Variants in ZBTB7C observed in about 807,000 individuals in gnomAD.
The protein encoded by ZBTB7C is zinc finger and BTB domain containing 7C.
Under a neutral mutation model 25.7 loss-of-function variants are expected in ZBTB7C, and 8 were observed. The ratio of observed to expected loss-of-function variants is 0.31; its 90% confidence interval spans 0.18 to 0.56. The LOEUF is 0.56. Ranked by LOEUF, ZBTB7C falls within the 20% of genes least tolerant of loss-of-function variation. ZBTB7C has a pLI of 0.91. For synonymous variants in ZBTB7C, 394 were observed against 369.0 expected, an observed-to-expected ratio of 1.07 and a Z score of -0.78; for missense variants, 824 against 855.2, an observed-to-expected ratio of 0.96 and a Z score of 0.46.
chr18:48,186,347 C>T (rs1045606953), intron 2 of ZBTB7C, among the ~76,000 whole-genome samples: 1 of 152,240 alleles, frequency 6.6e-6, no homozygotes, highest in African/African-American at 2.4e-5. Flanking sequence ...CAACCCTGCG[C>T]GTGCAGCTCG....
intron 2 of ZBTB7C, among the ~76,000 whole-genome samples, chr18:48,289,411 A>T (rs58614971): frequency 0.12 from 18,762 of 152,124 alleles, 1,215 homozygotes; most frequent in South Asian, 0.2. Context: ...TAGCAATGAA[A>T]AATAATGAGA....
intron 3 of ZBTB7C, among the ~76,000 whole-genome samples, chr18:48,145,148 G>A (rs555984507): frequency 2.6e-5 from 4 of 152,246 alleles, no homozygotes; most frequent in East Asian, 3.9e-4. Flanking sequence ...ACTGGAAACC[G>A]TCTTCTGGAA....
At chr18:48,054,409 G>C (rs568703931) in intron 3 of ZBTB7C, among the ~76,000 whole-genome samples, 2 of 152,138 alleles carry the variant, frequency 1.3e-5, no homozygotes, top group Non-Finnish European at 2.9e-5. Flanking sequence ...GAGCTGCCGT[G>C]GGGGGTGGCA....
intron 3 of ZBTB7C, among the ~76,000 whole-genome samples, chr18:48,176,227 A>G (rs2041672625): frequency 6.6e-6 from 1 of 152,248 alleles, no homozygotes; most frequent in Non-Finnish European, 1.5e-5. Context: ...CCTGGATTCT[A>G]ATCAAGAGGA....
At chr18:48,060,983 C>A (rs1019113978) in intron 3 of ZBTB7C, among the ~76,000 whole-genome samples, 2 of 152,000 alleles carry the variant, frequency 1.3e-5, no homozygotes, top group Non-Finnish European at 2.9e-5. Flanking sequence ...AAAGTGGTGA[C>A]CAAGCCGCCA....
At chr18:48,263,497 G>T (rs1301016176) in intron 2 of ZBTB7C, among the ~76,000 whole-genome samples, 1 of 152,128 alleles carries the variant, frequency 6.6e-6, no homozygotes, top group Non-Finnish European at 1.5e-5. Flanking sequence ...AAGGAATAGA[G>T]GACCTTAAAA....
At chr18:48,286,477 G>A (rs1490016522) in intron 2 of ZBTB7C, among the ~76,000 whole-genome samples, 3 of 152,014 alleles carry the variant, frequency 2.0e-5, no homozygotes, top group Non-Finnish European at 4.4e-5. Flanking sequence ...CTAAAATATG[G>A]ACAGATTACT....
At chr18:48,213,366 TG>T (rs2042746552) in intron 2 of ZBTB7C, among the ~76,000 whole-genome samples, 1 of 152,244 alleles carries the variant, frequency 6.6e-6, no homozygotes, top group Admixed American at 6.5e-5. Flanking sequence ...CCTTTAGTGA[TG>T]GCCCCAGTCA....
At chr18:48,211,206 C>A (rs1187680809) in intron 2 of ZBTB7C, among the ~76,000 whole-genome samples, 3 of 152,074 alleles carry the variant, frequency 2.0e-5, no homozygotes, top group Non-Finnish European at 2.9e-5. Context: ...GAATCATAGA[C>A]CTAAATGTAA....
At chr18:48,367,324 GTA>G (rs556864225) in intron 1 of ZBTB7C, among the ~76,000 whole-genome samples, 69 of 113,572 alleles carry the variant, frequency 6.1e-4, no homozygotes, top group African/African-American at 2.1e-3. Flanking sequence ...ATATATGTGT[GTA>G]TATATATACA....
At chr18:48,125,467 C>T (rs1285580267) in intron 3 of ZBTB7C, among the ~76,000 whole-genome samples, 2 of 152,214 alleles carry the variant, frequency 1.3e-5, no homozygotes, top group South Asian at 2.1e-4. Context: ...GCTAGGGAAC[C>T]CCCTTAATGG....
At chr18:48,281,519 A>G (rs911379441) in intron 2 of ZBTB7C, among the ~76,000 whole-genome samples, 1 of 152,220 alleles carries the variant, frequency 6.6e-6, no homozygotes, top group African/African-American at 2.4e-5. Flanking sequence ...CAGAGTGAAC[A>G]GGCAACCTAC....
intron 3 of ZBTB7C, among the ~76,000 whole-genome samples, chr18:48,144,439 A>C (rs542337727): frequency 2.4e-4 from 36 of 152,022 alleles, no homozygotes; most frequent in Non-Finnish European, 7.4e-5. Flanking sequence ...AACCTCCCAG[A>C]CTCAAGTAAT....
At chr18:48,387,830 T>TTTG (rs35932357) in intron 1 of ZBTB7C, among the ~76,000 whole-genome samples, 75,648 of 144,446 alleles carry the variant, frequency 0.52, 20,265 homozygotes, top group Non-Finnish European at 0.61. Context: ...TTTGGTTTGG[T>TTTG]TTGTTGTTGT....
chr18:48,158,582 A>G (rs1171774516), intron 3 of ZBTB7C, among the ~76,000 whole-genome samples: 2 of 151,978 alleles, frequency 1.3e-5, no homozygotes, highest in African/African-American at 2.4e-5. Flanking sequence ...TGGAGGAAGC[A>G]TTCTGGGGCC....
intron 3 of ZBTB7C, among the ~76,000 whole-genome samples, chr18:48,080,380 G>C (rs544728823): frequency 6.6e-6 from 1 of 152,302 alleles, no homozygotes; most frequent in African/African-American, 2.4e-5. Context: ...TTATTTCTCT[G>C]TGGGTCCCAG....
intron 3 of ZBTB7C, among the ~76,000 whole-genome samples, chr18:48,142,138 T>C (rs74698708): frequency 0.011 from 1,713 of 152,346 alleles, 37 homozygotes; most frequent in African/African-American, 0.04. Context: ...AACCCAGCCA[T>C]TTGGAACCTA....
At chr18:48,303,251 A>T (rs993718509) in intron 2 of ZBTB7C, among the ~76,000 whole-genome samples, 1 of 152,236 alleles carries the variant, frequency 6.6e-6, no homozygotes, top group Non-Finnish European at 1.5e-5. Flanking sequence ...ATAACAGTCA[A>T]AGGTTCCCAA....
chr18:48,387,846 T>TTG lies in ZBTB7C; in HGVS notation c.-304+21379_-304+21380insCA, dbSNP rs78652638. On this transcript the variant is annotated intron_variant, in intron 1 of 4. Transcript: ENST00000590800. ...TTGGTTTGGTTTGTTGTTGTTGTTG[T>TTG]TTGTTTGTTTGTTTTGAGACAGGGT... is the stretch of plus-strand genomic sequence containing the variant. Among the ~76,000 whole-genome samples, 124 of 107,258 alleles carry TTG rather than the reference T, an allele frequency of 1.2e-3. 1 individual carries two copies. The highest frequency in any genetic ancestry group is 3.7e-3 in the African/African-American group (110 of 29,384). The allele number at this position is 107,258 out of a possible 152,430, so 70.4% of individuals were successfully genotyped here. A position where few individuals can be genotyped will look rare whatever the true frequency, so the allele number is the denominator to read the frequency against.
Sources: allele counts gnomAD v4.1 joint callset (sites outside exome capture counted in the v4.1 genomes callset), GRCh38; gene constraint gnomAD v4.1.1; transcripts MANE v1.5; gene names NCBI Gene and HGNC (gene_info 2026-07-23, HGNC 2026-07-21).